Variants in CREB5 observed in about 807,000 individuals in gnomAD.
The protein encoded by CREB5 is cyclic AMP-responsive element-binding protein 5.
In CREB5, 19 loss-of-function variants were observed where a neutral mutation model predicts 57.1. That is an observed-to-expected ratio of 0.33 (90% CI 0.23 to 0.49). The LOEUF (loss-of-function observed/expected upper bound fraction) is 0.49, where lower values mean the gene tolerates loss of function less well. Ranked by LOEUF, CREB5 falls within the 20% of genes least tolerant of loss-of-function variation. The probability of loss-of-function intolerance (pLI) is 0.99; values close to 1 mark genes in which losing one functional copy is unlikely to be tolerated. For missense variants in CREB5, 579 were observed against 671.6 expected (o/e 0.86, Z 1.52); for synonymous variants, 238 against 238.3 (o/e 1.00, Z 0.01).
intron 5 of CREB5, among the ~76,000 whole-genome samples, chr7:28,630,509 T>C (rs531422969): frequency 3.5e-4 from 53 of 152,184 alleles, no homozygotes; most frequent in African/African-American, 1.1e-3. Context: ...AAAACATATG[T>C]TTTTCATTTT....
At chr7:28,412,361 A>C (rs575516374), upstream of CREB5, among the ~76,000 whole-genome samples, 1 of 152,208 alleles carries the variant, frequency 6.6e-6, no homozygotes, top group Non-Finnish European at 1.5e-5. Context: ...CCTTTAGAGC[A>C]GCTGAACCCT....
At chr7:28,720,358 G>A (rs550116163) in intron 6 of CREB5, among the ~76,000 whole-genome samples, 1 of 152,282 alleles carries the variant, frequency 6.6e-6, no homozygotes, top group East Asian at 1.9e-4. Context: ...AATCCTGTGG[G>A]GATACAGTAG....
chr7:28,386,834 T>A (rs1787113417), intron 1 of CREB5, among the ~76,000 whole-genome samples: 2 of 152,218 alleles, frequency 1.3e-5, no homozygotes, highest in South Asian at 4.1e-4. Context: ...TTAAAATATC[T>A]CTCTGTTCCT....
intron 5 of CREB5, among the ~76,000 whole-genome samples, chr7:28,578,163 G>T (rs985086946): frequency 6.6e-6 from 1 of 152,166 alleles, no homozygotes; most frequent in African/African-American, 2.4e-5. Context: ...CCTTGGATAA[G>T]GTGCCATGTG....
At chr7:28,699,626 T>A (rs907674481) in intron 5 of CREB5, among the ~76,000 whole-genome samples, 1 of 152,216 alleles carries the variant, frequency 6.6e-6, no homozygotes. Flanking sequence ...TTATCTATAT[T>A]TATTGAACTG....
At chr7:28,437,325 G>A (rs758366437) in intron 1 of CREB5, among the ~76,000 whole-genome samples, 16 of 152,154 alleles carry the variant, frequency 1.1e-4, no homozygotes, top group Non-Finnish European at 2.2e-4. Flanking sequence ...TCAAGATCAT[G>A]CAGTTATTAA....
intron 1 of CREB5, among the ~76,000 whole-genome samples, chr7:28,454,426 G>T (rs1789998964): frequency 6.6e-6 from 1 of 152,150 alleles, no homozygotes. Context: ...AGGATAGTGA[G>T]GCAGCATCTG....
At chr7:28,482,593 A>G (rs920244941) in intron 1 of CREB5, among the ~76,000 whole-genome samples, 2 of 152,218 alleles carry the variant, frequency 1.3e-5, no homozygotes, top group African/African-American at 4.8e-5. Flanking sequence ...GAGGTCTCAT[A>G]AGCTCAACAA....
At chr7:28,689,199 G>A (rs887050433) in intron 5 of CREB5, among the ~76,000 whole-genome samples, 14 of 152,102 alleles carry the variant, frequency 9.2e-5, no homozygotes, top group Admixed American at 7.9e-4. Context: ...GGAGAGGGCC[G>A]AGCGCAGTGG....
intron 1 of CREB5, among the ~76,000 whole-genome samples, chr7:28,446,771 A>G (rs1012438989): frequency 6.6e-6 from 1 of 152,180 alleles, no homozygotes; most frequent in South Asian, 2.1e-4. Context: ...CAGCCTGGGC[A>G]ACAGAGTGAG....
intron 4 of CREB5, among the ~76,000 whole-genome samples, chr7:28,520,625 C>G (rs563668771): frequency 5.3e-5 from 8 of 152,172 alleles, no homozygotes; most frequent in Non-Finnish European, 8.8e-5. Context: ...CTCTGTGGCA[C>G]AGAGAGAGGG....
At chr7:28,320,229 C>T (rs117571281) in intron 1 of CREB5, among the ~76,000 whole-genome samples, 11 of 152,170 alleles carry the variant, frequency 7.2e-5, no homozygotes, top group Non-Finnish European at 1.2e-4. Flanking sequence ...CACGCCTGGC[C>T]GCTTTTATGT....
intron 1 of CREB5, among the ~76,000 whole-genome samples, chr7:28,373,308 A>G (rs1437215480): frequency 3.3e-5 from 5 of 152,228 alleles, no homozygotes; most frequent in Non-Finnish European, 2.9e-5. Flanking sequence ...ATTGAGAAGT[A>G]TATTAGAAAT....
At chr7:28,477,148 A>G (rs1259677726) in intron 1 of CREB5, among the ~76,000 whole-genome samples, 1 of 152,204 alleles carries the variant, frequency 6.6e-6, no homozygotes, top group East Asian at 1.9e-4. Flanking sequence ...TCATATTTGA[A>G]CAAGTTCACT....
chr7:28,574,717 C>T (rs184715091), intron 5 of CREB5, among the ~76,000 whole-genome samples: 1 of 152,238 alleles, frequency 6.6e-6, no homozygotes, highest in East Asian at 1.9e-4. Context: ...CCAAATATAT[C>T]TAACATTAGA....
chr7:28,451,303 T>C (rs185863650), intron 1 of CREB5, among the ~76,000 whole-genome samples: 1 of 152,286 alleles, frequency 6.6e-6, no homozygotes, highest in Admixed American at 6.5e-5. Context: ...ATTCCTCAGA[T>C]CTAAAGTTAT....
At chr7:28,791,681 G>C (rs755627000) in intron 7 of CREB5, among the ~76,000 whole-genome samples, 61 of 152,196 alleles carry the variant, frequency 4.0e-4, no homozygotes, top group Non-Finnish European at 6.5e-4. Context: ...TTTGGAGTCA[G>C]AAAAGAAATT....
At chr7:28,429,470 A>G (rs369528120) in intron 1 of CREB5, among the ~76,000 whole-genome samples, 23 of 152,248 alleles carry the variant, frequency 1.5e-4, no homozygotes, top group African/African-American at 5.5e-4. Context: ...AATGACTGTT[A>G]TTAATGTAAT....
intron 1 of CREB5, among the ~76,000 whole-genome samples, chr7:28,403,664 G>A (rs1380512069): frequency 6.6e-6 from 1 of 152,234 alleles, no homozygotes; most frequent in Middle Eastern, 3.4e-3. Flanking sequence ...CTCTCAGCAT[G>A]TGAGCATGGA....
Sources: gnomAD v4.1 joint callset for allele counts (sites outside exome capture counted in the v4.1 genomes callset) on GRCh38, gnomAD v4.1.1 for gene constraint, MANE v1.5 for transcripts, NCBI Gene and HGNC (gene_info 2026-07-23, HGNC 2026-07-21) for gene names.